Variants in DACH1 observed in about 807,000 individuals in gnomAD.
The protein encoded by DACH1 is dachshund family transcription factor 1.
In DACH1, 12 loss-of-function variants were observed where a neutral mutation model predicts 54.2. The observed-to-expected ratio is 0.22, with a 90% CI of 0.14 to 0.36. The LOEUF is 0.36. Among genes scored for constraint, DACH1 ranks in the 10% least tolerant of loss-of-function variants. The pLI, the probability that DACH1 is intolerant of heterozygous loss-of-function variation, is 1.00. For missense variants in DACH1, 805 were observed against 929.8 expected (o/e 0.87, Z 1.75); for synonymous variants, 386 against 366.2 (o/e 1.05, Z -0.62).
intron 1 of DACH1, among the ~76,000 whole-genome samples, chr13:71,835,916 A>C (rs1049657577): frequency 2.0e-5 from 3 of 152,086 alleles, no homozygotes; most frequent in African/African-American, 7.2e-5. Flanking sequence ...GAAATTTTCT[A>C]TTGTATTTAA....
At chr13:71,545,472 T>C (rs1883400523) in intron 6 of DACH1, among the ~76,000 whole-genome samples, 1 of 150,320 alleles carries the variant, frequency 6.7e-6, no homozygotes, top group African/African-American at 2.4e-5. Context: ...TCAAAGTATC[T>C]CATAGTTATC....
intron 6 of DACH1, among the ~76,000 whole-genome samples, chr13:71,514,988 CACA>C (rs957394659): frequency 6.6e-6 from 1 of 151,926 alleles, no homozygotes; most frequent in Non-Finnish European, 1.5e-5. Context: ...CCTCTTCCCA[CACA>C]ACAATTATAA....
intron 10 of DACH1, among the ~76,000 whole-genome samples, chr13:71,454,208 AC>A (rs1875339073): frequency 6.6e-6 from 1 of 152,192 alleles, no homozygotes; most frequent in African/African-American, 2.4e-5. Flanking sequence ...ACAAACATGG[AC>A]ATCTGCTCTG....
At chr13:71,721,220 T>G (rs1883215628) in intron 1 of DACH1, among the ~76,000 whole-genome samples, 1 of 152,158 alleles carries the variant, frequency 6.6e-6, no homozygotes, top group African/African-American at 2.4e-5. Flanking sequence ...ATTTTTTCAT[T>G]GTTTTCTCCC....
intron 2 of DACH1, among the ~76,000 whole-genome samples, chr13:71,640,954 T>C (rs189929736): frequency 1.3e-5 from 2 of 152,238 alleles, no homozygotes; most frequent in African/African-American, 4.8e-5. Flanking sequence ...AATCCTTGTC[T>C]AAATCCATTT....
intron 6 of DACH1, among the ~76,000 whole-genome samples, chr13:71,548,743 C>A (rs1883618152): frequency 6.6e-6 from 1 of 151,946 alleles, no homozygotes; most frequent in African/African-American, 2.4e-5. Flanking sequence ...ATGGTAAAAC[C>A]TCATCTCCAC....
chr13:71,684,132 A>T (rs1319467928), intron 1 of DACH1, among the ~76,000 whole-genome samples: 1 of 151,936 alleles, frequency 6.6e-6, no homozygotes, highest in African/African-American at 2.4e-5. Flanking sequence ...TTCCAGATCA[A>T]TCCCTCATTT....
rs577806323 is a variant in DACH1, at chr13:71,509,180, T to G, written c.1571-20032A>C. 2.0e-5 allele frequency among the ~76,000 whole-genome samples: 3 copies of G among 152,270 alleles called. No homozygotes were observed. The East Asian group carries it at 5.8e-4, about 29-fold the overall frequency. ...TTAATTGCCTGCTCTCTATTCATTA[T>G]AAACTGAATTCTCAAACTTTCAGCA... On this transcript the variant is annotated intron_variant, in intron 6 of 10. Coordinates refer to ENST00000613252, the MANE Select transcript of DACH1 (RefSeq NM_080759.6).
intron 1 of DACH1, among the ~76,000 whole-genome samples, chr13:71,836,371 A>G (rs1000340772): frequency 6.6e-6 from 1 of 152,044 alleles, no homozygotes; most frequent in Non-Finnish European, 1.5e-5. Flanking sequence ...ATTTAATGTC[A>G]CCCAAGATTA....
intron 1 of DACH1, among the ~76,000 whole-genome samples, chr13:71,700,534 T>G (rs1882072289): frequency 8.2e-6 from 1 of 121,732 alleles, no homozygotes; most frequent in African/African-American, 3.4e-5. Flanking sequence ...CCATCCTGGG[T>G]GACACACAGC....
chr13:71,651,607 G>T (rs1205745847), intron 2 of DACH1, among the ~76,000 whole-genome samples: 1 of 152,024 alleles, frequency 6.6e-6, no homozygotes, highest in Non-Finnish European at 1.5e-5. Flanking sequence ...GCTGCAGTGA[G>T]CTGTGATAGT....
chr13:71,835,764 G>A (rs1174884734), intron 1 of DACH1, among the ~76,000 whole-genome samples: 2 of 151,808 alleles, frequency 1.3e-5, no homozygotes, highest in Non-Finnish European at 2.9e-5. Context: ...CTGAAGGAAT[G>A]AAAGAAGTGA....
At chr13:71,516,807 A>G (rs1324712424) in intron 6 of DACH1, among the ~76,000 whole-genome samples, 1 of 151,830 alleles carries the variant, frequency 6.6e-6, no homozygotes, top group Non-Finnish European at 1.5e-5. Flanking sequence ...GAGCAGATTG[A>G]GCAAAAACAT....
chr13:71,482,445 C>T (rs1878121234), intron 7 of DACH1, among the ~76,000 whole-genome samples: 1 of 152,072 alleles, frequency 6.6e-6, no homozygotes, highest in Non-Finnish European at 1.5e-5. Context: ...TAAGGTTTCT[C>T]GAGTGTCACT....
chr13:71,571,724 CAG>C (rs919808447), intron 4 of DACH1, among the ~76,000 whole-genome samples: 3 of 147,022 alleles, frequency 2.0e-5, no homozygotes, highest in African/African-American at 7.4e-5. Flanking sequence ...TAAGTAGTAA[CAG>C]GGCCTTTTTT....
intron 1 of DACH1, among the ~76,000 whole-genome samples, chr13:71,769,996 C>CAATG (rs753123869): frequency 2.0e-5 from 3 of 151,644 alleles, no homozygotes; most frequent in Non-Finnish European, 3.0e-5. Flanking sequence ...AACCTATAAA[C>CAATG]AATGTATAAC....
At chr13:71,470,045 T>A (rs893327432) in intron 10 of DACH1, among the ~76,000 whole-genome samples, 2 of 152,222 alleles carry the variant, frequency 1.3e-5, no homozygotes, top group African/African-American at 4.8e-5. Flanking sequence ...TTTTAACAAT[T>A]ATTTTTCTTG....
At chr13:71,519,003 C>T (rs1881365609) in intron 6 of DACH1, among the ~76,000 whole-genome samples, 1 of 151,854 alleles carries the variant, frequency 6.6e-6, no homozygotes, top group African/African-American at 2.4e-5. Context: ...CATTTATATA[C>T]CATATACATC....
chr13:71,831,519 A>AT (rs1888588792), intron 1 of DACH1, among the ~76,000 whole-genome samples: 1 of 151,820 alleles, frequency 6.6e-6, no homozygotes, highest in African/African-American at 2.4e-5. Flanking sequence ...AACTTGTGAT[A>AT]TATAGGGTGG....
Sources: allele counts gnomAD v4.1 joint callset (sites outside exome capture counted in the v4.1 genomes callset), GRCh38; gene constraint gnomAD v4.1.1; transcripts MANE v1.5; gene names NCBI Gene and HGNC (gene_info 2026-07-23, HGNC 2026-07-21).